NAB1: variants seen among roughly 807,000 people sequenced by gnomAD.
The protein encoded by NAB1 is NGFI-A binding protein 1.
A neutral mutation model predicts 49.9 loss-of-function variants in NAB1; 25 were observed. The observed-to-expected ratio is 0.50, with a 90% CI of 0.37 to 0.70. NAB1 has a LOEUF of 0.70. Among genes scored for constraint, NAB1 ranks in the 30% least tolerant of loss-of-function variants. NAB1 has a pLI of 0.00. For synonymous variants in NAB1, 198 were observed against 215.6 expected (o/e 0.92, Z 0.71); for missense variants, 489 against 575.9 (o/e 0.85, Z 1.54).
At chr2:190,653,326 A>G (rs114500849) in intron 2 of NAB1, among the ~76,000 whole-genome samples, 74 of 152,356 alleles carry the variant, frequency 4.9e-4, no homozygotes, top group African/African-American at 1.7e-3. Flanking sequence ...GATGTTAAGA[A>G]GAAAACAATC....
rs2125911742 is a variant in NAB1 at position 190,690,971 on chromosome 2, A to G, written c.*638A>G. The G allele has an allele frequency of 6.5e-6, 1 of 152,754 alleles. No individual in the cohort carries two copies. Among genetic ancestry groups the G allele is most frequent in the East Asian group, 1.9e-4 (1 of 5,192 alleles). The allele number at this position is 152,754 out of a possible 1,614,324, so 9.5% of individuals were successfully genotyped here. A position where few individuals can be genotyped will look rare whatever the true frequency, so the allele number is the denominator to read the frequency against. Reference sequence around the variant, plus strand: ...TCATATAACATCTGGTTATCAATGCACGTTTACACAATAAATACTTGAGTG... The same window carrying G: ...TCATATAACATCTGGTTATCAATGCGCGTTTACACAATAAATACTTGAGTG... On this transcript the variant is annotated 3_prime_UTR_variant, in exon 10 of 10. Transcript: ENST00000337386.
In NAB1 at chr2:190,674,403, C is replaced by T. The variant is rs13428317; in HGVS notation, c.1005+1251C>T. ...GGCTTCAAGTCACAGCCGAGTTTCCCCTGACTTCCCTGCCTCCCTTTCTAA... is the reference window on the plus strand; with the variant it reads ...GGCTTCAAGTCACAGCCGAGTTTCCTCTGACTTCCCTGCCTCCCTTTCTAA... On this transcript the variant is annotated intron_variant, in intron 6 of 9. Coordinates refer to ENST00000337386, the MANE Select transcript of NAB1 (RefSeq NM_005966.4). The surrounding 1 kb of genome is among the most constrained non-coding windows in gnomAD (Gnocchi z 5.7). Among the ~76,000 whole-genome samples the T allele has an allele frequency of 0.02, 3,105 of 152,258 alleles. 105 individuals are homozygous for T. Among genetic ancestry groups the T allele is most frequent in the African/African-American group, 0.071 (2,932 of 41,538 alleles).
rs1228345630 is a variant in NAB1 at position 190,679,375 on chromosome 2, CAG to C, written c.1006-4357_1006-4356del. ...AAATAATGACTAATGTGCTCAGTTG[CAG>C]AGAGATCACTGATTACTTTGGATAA... is the stretch of plus-strand genomic sequence containing the variant. On this transcript the variant is annotated intron_variant, in intron 6 of 9. Transcript: ENST00000337386. This position sits in a 1 kb window ranked among gnomAD's most constrained non-coding sequence, Gnocchi z 5.3. 1.5e-4 allele frequency among the ~76,000 whole-genome samples: 23 copies of C among 152,306 alleles called. No homozygotes were observed. Among genetic ancestry groups the C allele is most frequent in the African/African-American group, 4.6e-4 (19 of 41,556 alleles).
rs1694771065 is a variant in NAB1 at position 190,670,892 on chromosome 2, TTGACTAG to T, written c.953+435_953+441del. 6.6e-6 allele frequency among the ~76,000 whole-genome samples: 1 copy of T among 152,256 alleles called. No homozygotes were observed. Among genetic ancestry groups the T allele is most frequent in the South Asian group, 2.1e-4 (1 of 4,838 alleles). Reference sequence around the variant, plus strand: ...TAGCTGAATATGTAAAACGACTCTATTGACTAGTATCTAAGGGAAAATTGAAAGATAC... The same window carrying T: ...TAGCTGAATATGTAAAACGACTCTATTATCTAAGGGAAAATTGAAAGATAC... On this transcript the variant is annotated intron_variant, in intron 5 of 9. Coordinates refer to ENST00000337386, the MANE Select transcript of NAB1 (RefSeq NM_005966.4). This position sits in a 1 kb window ranked among gnomAD's most constrained non-coding sequence, Gnocchi z 5.3.
Position 190,670,241 on chromosome 2 carries a change from A to T in NAB1, c.820-85A>T. On this transcript the variant is annotated intron_variant, in intron 4 of 9. Coordinates refer to ENST00000337386, the MANE Select transcript of NAB1 (RefSeq NM_005966.4). The surrounding 1 kb of genome is among the most constrained non-coding windows in gnomAD (Gnocchi z 5.3). ...AATGATTCCATTATATAATGGTGTA[A>T]CATTCTTATATTTTAAGTGAAACCT... 8.0e-7 allele frequency: 1 copy of T among 1,249,948 alleles called. No homozygotes were observed. Among genetic ancestry groups the T allele is most frequent in the Non-Finnish European group, 1.1e-6 (1 of 893,348 alleles). The allele number at this position is 1,249,948 out of a possible 1,614,324, so 77.4% of individuals were successfully genotyped here. A position where few individuals can be genotyped will look rare whatever the true frequency, so the allele number is the denominator to read the frequency against.
In NAB1 at chr2:190,670,371, G is replaced by A. The variant is rs376178546; in HGVS notation, c.865G>A (p.Ala289Thr). The A allele has an allele frequency of 1.2e-6, 2 of 1,614,004 alleles. No homozygotes were observed. Among genetic ancestry groups the A allele is most frequent in the Non-Finnish European group, 1.7e-6 (2 of 1,179,920 alleles). The change falls in exon 5 of 10, where the codon GCC becomes ACC. Residue 289 changes from alanine (A) to threonine (T), a missense_variant. By Grantham distance (58) the Ala-to-Thr change is moderately conservative. Coordinates refer to ENST00000337386, the MANE Select transcript of NAB1 (RefSeq NM_005966.4). The surrounding 1 kb of genome is among the most constrained non-coding windows in gnomAD (Gnocchi z 5.3). ...AAAQLCVKDNALLTRRDELFA... is the reference protein window; with the variant it reads ...AAAQLCVKDNTLLTRRDELFA... The stretch of plus-strand genomic sequence containing the variant: ...TGCTCAACTCTGTGTGAAGGATAAT[G>A]CCCTGCTGACAAGAAGAGATGAGCT...
chr2:190,659,345 G>T lies in NAB1; in HGVS notation c.169G>T (p.Gly57Cys), dbSNP rs1694097693. 6.2e-7 allele frequency: 1 copy of T among 1,613,962 alleles called. No homozygotes were observed. The highest frequency in any genetic ancestry group is 8.5e-7 in the Non-Finnish European group (1 of 1,180,020). ...EEFLEIMALV[G>C]MASKPLHVRR... The stretch of plus-strand genomic sequence containing the variant: ...GTTTTTGGAAATCATGGCACTCGTG[G>T]GCATGGCTAGCAAGCCCCTTCATGT... Residue 57 changes from glycine (G) to cysteine (C), a missense_variant, in exon 4 of 10, where the codon GGC (glycine) becomes TGC (cysteine). Around this residue, in one of 4 missense-constraint regions of NAB1, gnomAD observed 35 missense variants for 85.6 expected, o/e 0.41. Transcript: ENST00000337386. This position sits in a 1 kb window ranked among gnomAD's most constrained non-coding sequence, Gnocchi z 6.2.
At position 190,667,712 on chromosome 2, in the gene NAB1, A is replaced by G. The variant is rs1694595734; in HGVS notation, c.820-2614A>G. Among the ~76,000 whole-genome samples, 1 of 152,304 alleles carries G rather than the reference A, an allele frequency of 6.6e-6. No individual in the cohort carries two copies. Among genetic ancestry groups the G allele is most frequent in the East Asian group, 1.9e-4 (1 of 5,196 alleles). On this transcript the variant is annotated intron_variant, in intron 4 of 9. Coordinates refer to ENST00000337386, the MANE Select transcript of NAB1 (RefSeq NM_005966.4). This position sits in a 1 kb window ranked among gnomAD's most constrained non-coding sequence, Gnocchi z 4.4. ...AAATTAATATAAATTACAGTTATAA[A>G]TTTGGGGAGGAGGATGTTAAATATC...
rs1574421609 is a variant in NAB1 at position 190,657,723 on chromosome 2, C to G, written c.-19-1435C>G. ...CAGTGCTTAGAGTGGTAGGGACACC[C>G]ATTCTCCTGGCTTGGAGTGACTGAG... On this transcript the variant is annotated intron_variant, in intron 3 of 9. Coordinates refer to ENST00000337386, the MANE Select transcript of NAB1 (RefSeq NM_005966.4). This position sits in a 1 kb window ranked among gnomAD's most constrained non-coding sequence, Gnocchi z 4.4. Among the ~76,000 whole-genome samples, 1 of 152,194 alleles carries G rather than the reference C, an allele frequency of 6.6e-6. No homozygotes were observed.
chr2:190,687,161 G>A, intron 8 of NAB1, 40 bp from the exon 9 acceptor site: 1 of 1,322,048 alleles, frequency 7.6e-7, no homozygotes, highest in Non-Finnish European at 1.0e-6. Context: ...ACCATGGTAT[G>A]TTTTTAATAT....
chr2:190,690,231 C>G lies in NAB1; in HGVS notation c.1376-14C>G. ...ATTAAAATATCAACTCACTTTGTTT[C>G]CATTTTTATGTAGAGAGCCTTGGGA... On this transcript the variant is annotated splice_polypyrimidine_tract_variant and intron_variant, in intron 9 of 9. Coordinates refer to ENST00000337386, the MANE Select transcript of NAB1 (RefSeq NM_005966.4). 6.3e-7 allele frequency: 1 copy of G among 1,577,886 alleles called. No individual in the cohort carries two copies. The highest frequency in any genetic ancestry group is 2.2e-5 in the East Asian group (1 of 44,586).
rs775060146 is a variant in NAB1 at position 190,659,865 on chromosome 2, A to G, written c.689A>G (p.Lys230Arg). The change falls in exon 4 of 10, where the codon AAA becomes AGA. Residue 230 changes from lysine (K) to arginine (R), a missense_variant. Around this residue, in one of 4 missense-constraint regions of NAB1, gnomAD observed 204 missense variants for 220.9 expected, o/e 0.92. Transcript: ENST00000337386. This position sits in a 1 kb window ranked among gnomAD's most constrained non-coding sequence, Gnocchi z 6.2. ...ELLKTNKKLA[K>R]MIGHIFEMND... ...CTAAAAACCAACAAGAAGTTGGCCA[A>G]AATGATTGGTCACATCTTTGAGATG... The G allele has an allele frequency of 6.2e-7, 1 of 1,614,224 alleles. No individual in the cohort carries two copies. The highest frequency in any genetic ancestry group is 1.1e-5 in the South Asian group (1 of 91,084).
In NAB1 at chr2:190,652,521, C is replaced by T. The variant is rs1296268544; in HGVS notation, c.-197+2539C>T. Among the ~76,000 whole-genome samples, 1 of 152,148 alleles carries T rather than the reference C, an allele frequency of 6.6e-6. No homozygotes were observed. Among genetic ancestry groups the T allele is most frequent in the East Asian group, 1.9e-4 (1 of 5,204 alleles). On this transcript the variant is annotated intron_variant, in intron 2 of 9. Coordinates refer to ENST00000337386, the MANE Select transcript of NAB1 (RefSeq NM_005966.4). This position sits in a 1 kb window ranked among gnomAD's most constrained non-coding sequence, Gnocchi z 4.2. ...TTTGGCAAGTAAATTTAACCTCACA[C>T]TGAATATTTTTATTAAAATTTTAAG...
At position 190,656,041 on chromosome 2, in the gene NAB1, A is replaced by G. The variant is rs752065766; in HGVS notation, c.-132A>G. ...GAAGTGGAAGTTGCTGTACATTGGC[A>G]GCAAGGCCTCCGAGTTAGCTTTTGA... On this transcript the variant is annotated 5_prime_UTR_variant, in exon 3 of 10. Coordinates refer to ENST00000337386, the MANE Select transcript of NAB1 (RefSeq NM_005966.4). 2 of 152,246 alleles carry G rather than the reference A, an allele frequency of 1.3e-5. No homozygotes were observed. Among genetic ancestry groups the G allele is most frequent in the African/African-American group, 2.4e-5 (1 of 41,468 alleles). 9.4% of individuals were successfully genotyped at this position (152,246 alleles called of 1,614,324 possible).
At position 190,669,501 on chromosome 2, in the gene NAB1, C is replaced by G. The variant is rs569188213; in HGVS notation, c.820-825C>G. ...AGCTGGTAAATGATGAAGCAGGACT[C>G]TCCTCAGGTCTGTCTGCCATCACGT... On this transcript the variant is annotated intron_variant, in intron 4 of 9. Transcript: ENST00000337386. The surrounding 1 kb of genome is among the most constrained non-coding windows in gnomAD (Gnocchi z 4.3). Among the ~76,000 whole-genome samples the G allele has an allele frequency of 6.6e-6, 1 of 152,180 alleles. No individual in the cohort carries two copies. Among genetic ancestry groups the G allele is most frequent in the Non-Finnish European group, 1.5e-5 (1 of 68,024 alleles).
rs749099684 is a variant in NAB1, at chr2:190,682,895, A to T, written c.1006-843A>T. 3.9e-5 allele frequency among the ~76,000 whole-genome samples: 6 copies of T among 152,206 alleles called. No individual in the cohort carries two copies. Among genetic ancestry groups the T allele is most frequent in the Non-Finnish European group, 7.3e-5 (5 of 68,034 alleles). Reference sequence around the variant, plus strand: ...TAGGTTTAGCGAAAGTACATAAGGCACAAAAATATCATCTCTGCAGTAATT... The same window carrying T: ...TAGGTTTAGCGAAAGTACATAAGGCTCAAAAATATCATCTCTGCAGTAATT... On this transcript the variant is annotated intron_variant, in intron 6 of 9. Transcript: ENST00000337386. This position sits in a 1 kb window ranked among gnomAD's most constrained non-coding sequence, Gnocchi z 4.1.
rs1482396767 is a variant in NAB1 at position 190,649,570 on chromosome 2, C to G, written c.-334+210C>G. 1.3e-5 allele frequency: 2 copies of G among 151,994 alleles called. No individual in the cohort carries two copies. The highest frequency in any genetic ancestry group is 4.8e-5 in the African/African-American group (2 of 41,378). The allele number at this position is 151,994 out of a possible 1,614,324, so 9.4% of individuals were successfully genotyped here. On this transcript the variant is annotated intron_variant, in intron 1 of 9. Coordinates refer to ENST00000337386, the MANE Select transcript of NAB1 (RefSeq NM_005966.4). This position sits in a 1 kb window ranked among gnomAD's most constrained non-coding sequence, Gnocchi z 6.1. ...CGTGTGGGCGATTCCCGGAGACATT[C>G]TGTGTGCCAGGGCGGCGGGGAGCGC...
At position 190,654,231 on chromosome 2, in the gene NAB1, GC is replaced by G. The variant is rs1353018268; in HGVS notation, c.-196-1744del. ...GAGCCAGGCAGGTTGCCTTCCTTGTGCCATGACTCCTTCACAGCTGCACAGC... is the reference window on the plus strand; with the variant it reads ...GAGCCAGGCAGGTTGCCTTCCTTGTGCATGACTCCTTCACAGCTGCACAGC... On this transcript the variant is annotated intron_variant, in intron 2 of 9. Coordinates refer to ENST00000337386, the MANE Select transcript of NAB1 (RefSeq NM_005966.4). The surrounding 1 kb of genome is among the most constrained non-coding windows in gnomAD (Gnocchi z 5.6). Among the ~76,000 whole-genome samples, 1 of 152,160 alleles carries G rather than the reference GC, an allele frequency of 6.6e-6. No individual in the cohort carries two copies. Among genetic ancestry groups the G allele is most frequent in the East Asian group, 1.9e-4 (1 of 5,200 alleles).
chr2:190,682,082 A>T lies in NAB1; in HGVS notation c.1006-1656A>T, dbSNP rs1695376607. Among the ~76,000 whole-genome samples the T allele has an allele frequency of 6.6e-6, 1 of 152,224 alleles. No individual in the cohort carries two copies. The highest frequency in any genetic ancestry group is 2.4e-5 in the African/African-American group (1 of 41,452). ...GTAGTTATAATGATCATGAGCAATAAACAGTCAAAAAAAGAAAACCTTGAA... is the reference window on the plus strand; with the variant it reads ...GTAGTTATAATGATCATGAGCAATATACAGTCAAAAAAAGAAAACCTTGAA... On this transcript the variant is annotated intron_variant, in intron 6 of 9. Coordinates refer to ENST00000337386, the MANE Select transcript of NAB1 (RefSeq NM_005966.4). This position sits in a 1 kb window ranked among gnomAD's most constrained non-coding sequence, Gnocchi z 4.1.
Sources: allele counts gnomAD v4.1 joint callset (sites outside exome capture counted in the v4.1 genomes callset), GRCh38; gene constraint gnomAD v4.1.1; regional missense constraint gnomAD v4.1.1; non-coding constraint Gnocchi (gnomAD v3.1); transcripts MANE v1.5; gene names NCBI Gene and HGNC (gene_info 2026-07-23, HGNC 2026-07-21).